LIMCH1: variants seen among roughly 807,000 people sequenced by gnomAD.
LIMCH1 encodes LIM and calponin homology domains-containing protein 1.
In LIMCH1, 113 loss-of-function variants were observed where a neutral mutation model predicts 176.5. That is an observed-to-expected ratio of 0.64 (90% CI 0.55 to 0.75). LIMCH1 has a LOEUF of 0.75. Ranked by LOEUF, LIMCH1 falls within the 30% of genes least tolerant of loss-of-function variation. The pLI is 0.00. For synonymous variants in LIMCH1, 619 were observed against 645.9 expected (o/e 0.96, Z 0.63); for missense variants, 1,674 against 1,814.9 (o/e 0.92, Z 1.41).
At chr4:41,642,350 G>T in intron 14 of LIMCH1, among the ~76,000 whole-genome samples, 1 of 151,952 alleles carries the variant, frequency 6.6e-6, no homozygotes, top group African/African-American at 2.4e-5. Flanking sequence ...AGAATGGGAC[G>T]AATTTTTGTG....
chr4:41,394,697 G>A (rs1199214968), intron 1 of LIMCH1, among the ~76,000 whole-genome samples: 1 of 152,096 alleles, frequency 6.6e-6, no homozygotes, highest in Non-Finnish European at 1.5e-5. Context: ...CATGTTTTGG[G>A]GAACACCTAA....
At chr4:41,451,372 T>C (rs13118471) in intron 1 of LIMCH1, among the ~76,000 whole-genome samples, 41,464 of 151,870 alleles carry the variant, frequency 0.27, 7,926 homozygotes, top group African/African-American at 0.53. Flanking sequence ...GTAATCTGCC[T>C]GCCTCGGCCT....
intron 1 of LIMCH1, among the ~76,000 whole-genome samples, chr4:41,543,152 G>A (rs1373285274): frequency 6.6e-6 from 1 of 152,178 alleles, no homozygotes; most frequent in East Asian, 1.9e-4. Context: ...GGTGGATCCA[G>A]CACTTTCTTC....
At chr4:41,458,766 C>T (rs1413642882) in intron 1 of LIMCH1, among the ~76,000 whole-genome samples, 1 of 124,062 alleles carries the variant, frequency 8.1e-6, no homozygotes, top group Middle Eastern at 4.9e-3. Context: ...GAATGAGACT[C>T]TGTCACCAAA....
chr4:41,686,782 A>C (rs1271807294), intron 28 of LIMCH1, among the ~76,000 whole-genome samples: 1 of 152,046 alleles, frequency 6.6e-6, no homozygotes, highest in African/African-American at 2.4e-5. Context: ...TTATTGTCTT[A>C]TTTTTCTTGT....
chr4:41,651,859 A>G (rs1461373739), intron 18 of LIMCH1, among the ~76,000 whole-genome samples: 2 of 152,222 alleles, frequency 1.3e-5, no homozygotes, highest in African/African-American at 4.8e-5. Context: ...TCTTTGGAGT[A>G]GAAGACATCA....
At position 41,552,617 on chromosome 4, in the gene LIMCH1, T is replaced by C. The variant is rs973725308; in HGVS notation, c.-241+14267T>C. Among the ~76,000 whole-genome samples the C allele has an allele frequency of 5.3e-5, 8 of 152,308 alleles. No individual in the cohort carries two copies. In the South Asian group the frequency reaches 1.7e-3, roughly 32 times the overall value. On this transcript the variant is annotated intron_variant, in intron 1 of 31. Transcript: ENST00000503057. ...ATTATAAACATGGATATTTAAAAAT[T>C]TTGTGACACAAAGTATTCAAATTAC...
chr4:41,502,032 T>C (rs781424202), intron 2 of LIMCH1, among the ~76,000 whole-genome samples: 5 of 151,826 alleles, frequency 3.3e-5, no homozygotes, highest in Non-Finnish European at 5.9e-5. Context: ...CATGAGCTAT[T>C]CTTCCTGATG....
intron 1 of LIMCH1, among the ~76,000 whole-genome samples, chr4:41,480,830 C>G (rs2068477100): frequency 6.6e-6 from 1 of 152,146 alleles, no homozygotes; most frequent in African/African-American, 2.4e-5. Flanking sequence ...TGTTGTCTGT[C>G]TTTCTGTGCA....
chr4:41,436,766 C>T (rs1364844630), intron 1 of LIMCH1, among the ~76,000 whole-genome samples: 4 of 151,688 alleles, frequency 2.6e-5, no homozygotes, highest in East Asian at 1.9e-4. Context: ...ATTTTGTCAG[C>T]GTCTGGGTAT....
intron 3 of LIMCH1, among the ~76,000 whole-genome samples, chr4:41,525,087 C>T (rs140433627): frequency 2.0e-4 from 31 of 152,276 alleles, no homozygotes; most frequent in African/African-American, 7.0e-4. Flanking sequence ...ATATTTTTTT[C>T]ATGCGTTGAT....
chr4:41,514,288 A>G (rs1452495857), intron 2 of LIMCH1, among the ~76,000 whole-genome samples: 1 of 152,114 alleles, frequency 6.6e-6, no homozygotes, highest in Non-Finnish European at 1.5e-5. Flanking sequence ...TGTGTGATAA[A>G]TAGGGAAGCC....
At chr4:41,607,970 G>T (rs1468176921) in intron 4 of LIMCH1, among the ~76,000 whole-genome samples, 1 of 152,182 alleles carries the variant, frequency 6.6e-6, no homozygotes, top group African/African-American at 2.4e-5. Flanking sequence ...CATTTTGTCA[G>T]TTAGGATCGG....
intron 1 of LIMCH1, among the ~76,000 whole-genome samples, chr4:41,420,858 G>A (rs1011100982): frequency 5.9e-5 from 9 of 152,236 alleles, no homozygotes; most frequent in Non-Finnish European, 1.5e-5. Context: ...GAACGCTGGA[G>A]AAAGCACATT....
chr4:41,526,116 T>C lies in LIMCH1; in HGVS notation c.237+1638T>C, dbSNP rs992651369. On this transcript the variant is annotated intron_variant, in intron 3 of 26. Transcript: ENST00000313860. ...TGGATCAAATGTTGTTTCTCACATA[T>C]TGCCTCTGTCTTGGAGCATTTGGGC... 3.3e-5 allele frequency among the ~76,000 whole-genome samples: 5 copies of C among 152,326 alleles called. No homozygotes were observed. In the East Asian group the frequency reaches 7.7e-4, roughly 23 times the overall value.
At chr4:41,487,364 C>T (rs958292812) in intron 1 of LIMCH1, among the ~76,000 whole-genome samples, 2 of 152,084 alleles carry the variant, frequency 1.3e-5, no homozygotes, top group African/African-American at 2.4e-5. Context: ...AGACCGTGCT[C>T]GGTCCTAATG....
At chr4:41,597,937 G>A (rs143055184) in intron 1 of LIMCH1, among the ~76,000 whole-genome samples, 357 of 152,288 alleles carry the variant, frequency 2.3e-3, no homozygotes, top group African/African-American at 8.0e-3. Context: ...TGAATTGCAC[G>A]TGGGTGAATA....
At chr4:41,399,934 A>C (rs1432203058) in intron 1 of LIMCH1, among the ~76,000 whole-genome samples, 1 of 147,764 alleles carries the variant, frequency 6.8e-6, no homozygotes, top group East Asian at 2.0e-4. Flanking sequence ...CGCCCACCTC[A>C]GCCTCCCAAA....
At position 41,527,308 on chromosome 4, in the gene LIMCH1, AAAGGC is replaced by A. The variant is rs542561231; in HGVS notation, c.237+2831_237+2835del. The stretch of plus-strand genomic sequence containing the variant: ...TAACTATGGTTAACAGTTTGAAATT[AAAGGC>A]CTGCAAGTGGTTTCGTATTCATGTC... On this transcript the variant is annotated intron_variant, in intron 3 of 26. Coordinates refer to the LIMCH1 transcript ENST00000313860. Among the ~76,000 whole-genome samples, 4 of 152,326 alleles carry A rather than the reference AAAGGC, an allele frequency of 2.6e-5. No homozygotes were observed. The South Asian group carries it at 8.3e-4, about 32-fold the overall frequency.
Sources: gnomAD v4.1 joint callset for allele counts (sites outside exome capture counted in the v4.1 genomes callset) on GRCh38, gnomAD v4.1.1 for gene constraint, MANE v1.5 for transcripts, NCBI Gene and HGNC (gene_info 2026-07-23, HGNC 2026-07-21) for gene names.